The following GNAZ variants were observed in gnomAD, a reference collection of about 807,000 sequenced individuals.
GNAZ encodes G protein subunit alpha z.
GNAZ carries 3 observed loss-of-function variants against 25.4 expected under a neutral mutation model. The ratio of observed to expected loss-of-function variants is 0.12; its 90% confidence interval spans 0.05 to 0.30. The LOEUF (loss-of-function observed/expected upper bound fraction) is 0.30, where lower values mean the gene tolerates loss of function less well. Ranked by LOEUF, GNAZ falls within the 10% of genes least tolerant of loss-of-function variation. The pLI, the probability that GNAZ is intolerant of heterozygous loss-of-function variation, is 1.00. For missense variants in GNAZ, 241 were observed against 501.8 expected (o/e 0.48, Z 4.97); for synonymous variants, 211 against 205.7 (o/e 1.03, Z -0.22).
chr22:23,082,899 C>T lies in GNAZ; in HGVS notation c.-450+12329C>T, dbSNP rs1349655424. Among the ~76,000 whole-genome samples the T allele has an allele frequency of 4.6e-4, 70 of 151,338 alleles. 1 individual carries two copies. The highest frequency in any genetic ancestry group is 1.5e-5 in the Non-Finnish European group (1 of 67,462). On this transcript the variant is annotated intron_variant, in intron 1 of 2. Transcript: ENST00000615612. Reference sequence around the variant, plus strand: ...GGTGTGCAGAGTCCACAGTGTCTTCCCCCCAAACCTTGCCCCCAGAAACTC... The same window carrying T: ...GGTGTGCAGAGTCCACAGTGTCTTCTCCCCAAACCTTGCCCCCAGAAACTC...
Position 23,098,983 on chromosome 22 carries a change from G to C in GNAZ, c.723+2565G>C, listed in dbSNP as rs560640368. 3.2e-4 allele frequency among the ~76,000 whole-genome samples: 49 copies of C among 152,312 alleles called. No homozygotes were observed. In the South Asian group the frequency reaches 3.9e-3, roughly 12 times the overall value. On this transcript the variant is annotated intron_variant, in intron 2 of 2. Transcript: ENST00000615612. ...TCAAAGGCAAGGCAGCCAAGAACAG[G>C]CCATGCTCGTTTTCACAAAAGCCGA... is the stretch of plus-strand genomic sequence containing the variant.
intron 2 of GNAZ, 65 bp from the exon 3 acceptor site, chr22:23,123,022 G>A: frequency 9.5e-7 from 1 of 1,057,970 alleles, no homozygotes; most frequent in Non-Finnish European, 1.4e-6. Flanking sequence ...TGGCAGGGCT[G>A]CAGGTCTAGG....
Position 23,071,203 on chromosome 22 carries a change from A to G in GNAZ, c.-450+633A>G, listed in dbSNP as rs991000400. On this transcript the variant is annotated intron_variant, in intron 1 of 2. Transcript: ENST00000615612. This position sits in a 1 kb window ranked among gnomAD's most constrained non-coding sequence, Gnocchi z 4.1. Reference sequence around the variant, plus strand: ...CCGGCTCAATATTTTTTCCCTTAAAAGGCGGTGGGGGTGTTTGGGGGAGGG... The same window carrying G: ...CCGGCTCAATATTTTTTCCCTTAAAGGGCGGTGGGGGTGTTTGGGGGAGGG... 1.3e-5 allele frequency among the ~76,000 whole-genome samples: 2 copies of G among 149,678 alleles called. No homozygotes were observed. The highest frequency in any genetic ancestry group is 5.0e-5 in the African/African-American group (2 of 40,196).
intron 2 of GNAZ, among the ~76,000 whole-genome samples, chr22:23,096,866 C>T (rs1402525190): frequency 3.9e-5 from 6 of 152,196 alleles, no homozygotes; most frequent in South Asian, 2.1e-4. Context: ...GGAAAGGGGA[C>T]GACGTAAAAG....
chr22:23,086,384 G>C (rs151305394), intron 1 of GNAZ, among the ~76,000 whole-genome samples: 1 of 152,230 alleles, frequency 6.6e-6, no homozygotes, highest in Non-Finnish European at 1.5e-5. Context: ...ATGAGATGAC[G>C]TGTGTGAGCA....
intron 2 of GNAZ, among the ~76,000 whole-genome samples, chr22:23,118,816 G>C (rs885964): frequency 0.48 from 72,772 of 152,152 alleles, 18,262 homozygotes; most frequent in Middle Eastern, 0.57. Flanking sequence ...GTGGGCTGCA[G>C]CAGGACAATG....
At chr22:23,104,794 C>G (rs374872520) in intron 2 of GNAZ, among the ~76,000 whole-genome samples, 138 of 152,272 alleles carry the variant, frequency 9.1e-4, no homozygotes, top group African/African-American at 3.2e-3. Flanking sequence ...CAGCAAGGCT[C>G]TGTGCTGACC....
intron 1 of GNAZ, among the ~76,000 whole-genome samples, chr22:23,073,161 T>C (rs993298144): frequency 1.3e-5 from 2 of 152,240 alleles, no homozygotes; most frequent in Non-Finnish European, 2.9e-5. Context: ...CTCTCACTGC[T>C]GCTGACCATG....
chr22:23,072,144 C>T (rs1349732091), intron 1 of GNAZ, among the ~76,000 whole-genome samples: 1 of 152,194 alleles, frequency 6.6e-6, no homozygotes, highest in Non-Finnish European at 1.5e-5. Context: ...CTCCCTCGGG[C>T]ACAGCCAGGG....
Position 23,096,403 on chromosome 22 carries a change from C to T in GNAZ, c.708C>T (p.Tyr236=), listed in dbSNP as rs753465078. ...TCAGCGGCTACGACCTGAAACTCTA[C>T]GAGGATAACCAGACAGTAAGTGGGG... ...VELSGYDLKL[Y]EDNQTSRMAE... The change falls in exon 2 of 3, where the codon TAC becomes TAT. Residue 236 remains tyrosine (Y), a synonymous_variant. Transcript: ENST00000615612. 34 of 1,607,026 alleles carry T rather than the reference C, an allele frequency of 2.1e-5. No individual in the cohort carries two copies. In the Admixed American group the frequency reaches 2.7e-4, roughly 13 times the overall value.
rs535315747 is a variant in GNAZ at position 23,116,874 on chromosome 22, A to T, written c.724-6213A>T. On this transcript the variant is annotated intron_variant, in intron 2 of 2. Transcript: ENST00000615612. ...CAGTCCAGAGGCCTCTTAAAATGCA[A>T]ATATGCCGCACCTGGGAGGGGGACA... Among the ~76,000 whole-genome samples the T allele has an allele frequency of 5.3e-5, 8 of 152,208 alleles. No homozygotes were observed. The South Asian group carries it at 8.3e-4, about 16-fold the overall frequency.
chr22:23,122,903 G>T (rs898630127), intron 2 of GNAZ, among the ~76,000 whole-genome samples, 184 bp from the exon 3 acceptor site: 1 of 152,216 alleles, frequency 6.6e-6, no homozygotes, highest in Non-Finnish European at 1.5e-5. Context: ...GGTGCTGCCG[G>T]CTATTTCCGT....
chr22:23,123,341 C>T lies in GNAZ; in HGVS notation c.978C>T (p.Cys326=), dbSNP rs550005555. The part of the protein sequence containing the change: ...ETKEIYSHFT[C]ATDTSNIQFV... Reference sequence around the variant, plus strand: ...AGGAGATCTACTCCCACTTCACCTGCGCCACCGACACCAGTAACATCCAGT... The same window carrying T: ...AGGAGATCTACTCCCACTTCACCTGTGCCACCGACACCAGTAACATCCAGT... The change falls in exon 3 of 3, where the codon TGC becomes TGT. Residue 326 remains cysteine (C), a synonymous_variant. Coordinates refer to ENST00000615612, the MANE Select transcript of GNAZ (RefSeq NM_002073.4). The T allele has an allele frequency of 1.5e-5, 25 of 1,613,926 alleles. No homozygotes were observed. Among genetic ancestry groups the T allele is most frequent in the Middle Eastern group, 1.6e-4 (1 of 6,062 alleles).
intron 2 of GNAZ, among the ~76,000 whole-genome samples, chr22:23,110,613 G>A (rs2069617281): frequency 6.6e-6 from 1 of 152,244 alleles, no homozygotes; most frequent in South Asian, 2.1e-4. Context: ...GGCCAACCAG[G>A]CTGTGTGCCC....
At chr22:23,082,448 T>G (rs2068711127) in intron 1 of GNAZ, among the ~76,000 whole-genome samples, 1 of 151,194 alleles carries the variant, frequency 6.6e-6, no homozygotes, top group Non-Finnish European at 1.5e-5. Flanking sequence ...GGTCTTGAAC[T>G]GACTTCGTGA....
chr22:23,096,379 C>T lies in GNAZ; in HGVS notation c.684C>T (p.Leu228=). The stretch of plus-strand genomic sequence containing the variant: ...CAGCCATCATCTTCTGTGTGGAGCT[C>T]AGCGGCTACGACCTGAAACTCTACG... ...GVTAIIFCVE[L]SGYDLKLYED... is the part of the protein sequence containing the mutation. The change falls in exon 2 of 3, where the codon CTC becomes CTT. Residue 228 remains leucine, a synonymous_variant. Coordinates refer to ENST00000615612, the MANE Select transcript of GNAZ (RefSeq NM_002073.4). 5 of 1,612,354 alleles carry T rather than the reference C, an allele frequency of 3.1e-6. No homozygotes were observed. The highest frequency in any genetic ancestry group is 4.2e-6 in the Non-Finnish European group (5 of 1,179,834).
At chr22:23,089,680 G>A (rs868588724) in intron 1 of GNAZ, among the ~76,000 whole-genome samples, 35 of 152,190 alleles carry the variant, frequency 2.3e-4, no homozygotes, top group African/African-American at 8.0e-4. Flanking sequence ...CCTGCTGGAC[G>A]GTGGGTGAGA....
chr22:23,121,632 T>G (rs2070026461), intron 2 of GNAZ, among the ~76,000 whole-genome samples: 1 of 152,208 alleles, frequency 6.6e-6, no homozygotes, highest in African/African-American at 2.4e-5. Context: ...GGTGATGCTG[T>G]TGCTTCGTGC....
chr22:23,109,626 G>A (rs1445112873), intron 2 of GNAZ, among the ~76,000 whole-genome samples: 1 of 152,180 alleles, frequency 6.6e-6, no homozygotes, highest in Non-Finnish European at 1.5e-5. Context: ...GCCAGGAGCT[G>A]AGGTGTTCAA....
Sources: allele counts gnomAD v4.1 joint callset (sites outside exome capture counted in the v4.1 genomes callset), GRCh38; gene constraint gnomAD v4.1.1; non-coding constraint Gnocchi (gnomAD v3.1); transcripts MANE v1.5; gene names NCBI Gene and HGNC (gene_info 2026-07-23, HGNC 2026-07-21).